The following LARS2 variants were observed in gnomAD, a reference collection of about 807,000 sequenced individuals.
LARS2 encodes leucyl-tRNA synthetase 2, mitochondrial, also known as leucine--tRNA ligase, mitochondrial.
In LARS2, 81 loss-of-function variants were observed where a neutral mutation model predicts 116.6. The ratio of observed to expected loss-of-function variants is 0.69; its 90% confidence interval spans 0.58 to 0.84. The LOEUF (loss-of-function observed/expected upper bound fraction) is 0.84, where lower values mean the gene tolerates loss of function less well. Among genes scored for constraint, LARS2 ranks in the 40% least tolerant of loss-of-function variants. LARS2 has a pLI of 0.00. For missense variants in LARS2, 968 were observed against 1,114.5 expected, an observed-to-expected ratio of 0.87 and a Z score of 1.87; for synonymous variants, 396 against 407.2, an observed-to-expected ratio of 0.97 and a Z score of 0.33.
At chr3:45,499,484 G>T (rs12486165) in intron 14 of LARS2, among the ~76,000 whole-genome samples, 127,545 of 151,914 alleles carry the variant, frequency 0.84, 55,988 homozygotes, top group East Asian at 0.98. Flanking sequence ...TAGCTGGGCA[G>T]AGTGGTGTGT....
At position 45,419,543 on chromosome 3, in the gene LARS2, A is replaced by G. The variant is rs184850446; in HGVS notation, c.456-126A>G. The G allele has an allele frequency of 3.5e-4, 248 of 718,704 alleles. 4 individuals carry two copies. Among genetic ancestry groups the G allele is most frequent in the South Asian group, 2.8e-3 (154 of 54,940 alleles). The allele number at this position is 718,704 out of a possible 1,614,324, so 44.5% of individuals were successfully genotyped here. On this transcript the variant is annotated intron_variant, in intron 5 of 21. Transcript: ENST00000645846. Reference sequence around the variant, plus strand: ...GTGGTTGATTTTTCTGCTAGGGCAAAGCAACACTTAAAACCCATTTGAATA... The same window carrying G: ...GTGGTTGATTTTTCTGCTAGGGCAAGGCAACACTTAAAACCCATTTGAATA...
intron 4 of LARS2, among the ~76,000 whole-genome samples, chr3:45,408,850 G>A (rs1002513040): frequency 1.3e-5 from 2 of 152,192 alleles, no homozygotes; most frequent in African/African-American, 4.8e-5. Context: ...AAACGAACCA[G>A]GTGGAAATGA....
intron 19 of LARS2, among the ~76,000 whole-genome samples, chr3:45,523,121 A>C (rs1042086766): frequency 1.1e-4 from 16 of 152,364 alleles, no homozygotes; most frequent in Middle Eastern, 3.4e-3. Flanking sequence ...GAAAAAATAA[A>C]GCAAGACACT....
intron 6 of LARS2, among the ~76,000 whole-genome samples, chr3:45,427,149 C>G (rs1393926869): frequency 6.6e-6 from 1 of 152,198 alleles, no homozygotes; most frequent in Non-Finnish European, 1.5e-5. Context: ...CCAGATCAGT[C>G]TTCTACATCA....
chr3:45,392,697 C>A (rs1427514486), intron 2 of LARS2, among the ~76,000 whole-genome samples: 2 of 151,984 alleles, frequency 1.3e-5, no homozygotes, highest in Non-Finnish European at 2.9e-5. Flanking sequence ...CTTTGGCAGA[C>A]CAACTTGTAA....
At chr3:45,453,718 T>C (rs1699171820) in intron 7 of LARS2, among the ~76,000 whole-genome samples, 1 of 152,134 alleles carries the variant, frequency 6.6e-6, no homozygotes, top group Non-Finnish European at 1.5e-5. Flanking sequence ...ATAAGACCTA[T>C]GTGATGTTGC....
chr3:45,472,706 T>G (rs1044072106), intron 8 of LARS2, among the ~76,000 whole-genome samples: 4 of 152,220 alleles, frequency 2.6e-5, no homozygotes, highest in African/African-American at 4.8e-5. Flanking sequence ...TAGCAGAGTA[T>G]CAGACTGAAT....
At chr3:45,489,548 C>G (rs1699875248) in intron 12 of LARS2, among the ~76,000 whole-genome samples, 1 of 151,532 alleles carries the variant, frequency 6.6e-6, no homozygotes, top group Non-Finnish European at 1.5e-5. Context: ...CCAGGGAACA[C>G]ATTTTGAGAA....
Position 45,504,537 on chromosome 3 carries a change from A to C in LARS2, c.1760+3958A>C, listed in dbSNP as rs190323389. 1.8e-4 allele frequency among the ~76,000 whole-genome samples: 28 copies of C among 152,180 alleles called. 1 individual carries two copies. Among genetic ancestry groups the C allele is most frequent in the African/African-American group, 6.5e-4 (27 of 41,574 alleles). On this transcript the variant is annotated intron_variant, in intron 15 of 21. Transcript: ENST00000645846. ...CATGTATGAAAATAAACTGGTCTGC[A>C]TCAGAAGGACACTAAAAACATTAAC...
chr3:45,448,333 G>A (rs1699055638), intron 7 of LARS2, among the ~76,000 whole-genome samples: 1 of 152,216 alleles, frequency 6.6e-6, no homozygotes, highest in Admixed American at 6.5e-5. Flanking sequence ...GGCTGGTAGG[G>A]CCTGCTAGGT....
chr3:45,545,062 T>A (rs267255), intron 21 of LARS2, among the ~76,000 whole-genome samples: 134,394 of 152,220 alleles, frequency 0.88, 61,662 homozygotes, highest in East Asian at 1. Context: ...TCCCGTCTCT[T>A]CCACTGCCTG....
chr3:45,409,176 T>C (rs946003437), intron 4 of LARS2, among the ~76,000 whole-genome samples: 8 of 151,438 alleles, frequency 5.3e-5, no homozygotes, highest in Non-Finnish European at 1.0e-4. Context: ...AGCATATAAA[T>C]AGAGATGCCA....
At chr3:45,507,105 A>C (rs916419880) in intron 15 of LARS2, 2 of 152,072 alleles carry the variant, frequency 1.3e-5, no homozygotes, top group African/African-American at 4.8e-5. Context: ...TTACACTGTA[A>C]AATGTTTCCG....
chr3:45,400,896 CT>C (rs1372225385), intron 4 of LARS2, among the ~76,000 whole-genome samples: 1 of 152,062 alleles, frequency 6.6e-6, no homozygotes, highest in Non-Finnish European at 1.5e-5. Context: ...TCACTGCAAC[CT>C]CCCCCTCCCG....
At chr3:45,513,354 G>A (rs1297069954) in intron 16 of LARS2, 119 bp downstream of exon 16, 7 of 715,356 alleles carry the variant, frequency 9.8e-6, no homozygotes, top group East Asian at 7.6e-5. Context: ...AGAGAGACCC[G>A]CTGGCTGTGA....
chr3:45,443,562 G>A (rs1254653108), intron 6 of LARS2, among the ~76,000 whole-genome samples: 3 of 152,042 alleles, frequency 2.0e-5, no homozygotes, highest in Admixed American at 1.3e-4. Context: ...AAGGTCGGTC[G>A]GTGGCTGGGC....
intron 21 of LARS2, among the ~76,000 whole-genome samples, chr3:45,543,611 G>C (rs1038712685): frequency 3.3e-5 from 5 of 151,830 alleles, no homozygotes; most frequent in Admixed American, 1.3e-4. Context: ...TTACAGGCAT[G>C]TGCTACCATG....
Position 45,516,289 on chromosome 3 carries a change from C to A in LARS2, c.2044+13C>A. ...TGGGATGTGAAAAGTAAGTCACCTTCCTCTTCCTGACTTGCTTCCTTTGTG... is the reference window on the plus strand; with the variant it reads ...TGGGATGTGAAAAGTAAGTCACCTTACTCTTCCTGACTTGCTTCCTTTGTG... On this transcript the variant is annotated intron_variant, in intron 17 of 21. Coordinates refer to ENST00000645846, the MANE Select transcript of LARS2 (RefSeq NM_015340.4). 1 of 1,608,798 alleles carries A rather than the reference C, an allele frequency of 6.2e-7. No homozygotes were observed.
At chr3:45,503,916 T>C (rs1700160805) in intron 15 of LARS2, among the ~76,000 whole-genome samples, 1 of 152,036 alleles carries the variant, frequency 6.6e-6, no homozygotes, top group Non-Finnish European at 1.5e-5. Flanking sequence ...GACTTTTAGG[T>C]TTCTTTTTAT....
Sources: allele counts gnomAD v4.1 joint callset (sites outside exome capture counted in the v4.1 genomes callset), GRCh38; gene constraint gnomAD v4.1.1; transcripts MANE v1.5; gene names NCBI Gene and HGNC (gene_info 2026-07-23, HGNC 2026-07-21).